The following IGF2R variants were observed in gnomAD, a reference collection of about 807,000 sequenced individuals.
The protein encoded by IGF2R is insulin like growth factor 2 receptor, also known as cation-independent mannose-6-phosphate receptor.
In IGF2R, 91 loss-of-function variants were observed where a neutral mutation model predicts 270.6. That is an observed-to-expected ratio of 0.34 (90% confidence interval 0.28 to 0.40). The LOEUF (loss-of-function observed/expected upper bound fraction) is 0.40, where lower values mean the gene tolerates loss of function less well. Ranked by LOEUF, IGF2R falls within the 10% of genes least tolerant of loss-of-function variation. The pLI is 1.00. For synonymous variants in IGF2R, 1,316 were observed against 1,258.9 expected (o/e 1.05, Z -0.96); for missense variants, 2,805 against 3,188.3 (o/e 0.88, Z 2.90).
chr6:160,060,231 A>C (rs1778405771), intron 22 of IGF2R, among the ~76,000 whole-genome samples: 1 of 152,054 alleles, frequency 6.6e-6, no homozygotes, highest in Non-Finnish European at 1.5e-5. Context: ...ACCTGTCATC[A>C]CATAGGCCAC....
At chr6:160,087,672 T>C (rs1779123822) in intron 41 of IGF2R, among the ~76,000 whole-genome samples, 1 of 152,188 alleles carries the variant, frequency 6.6e-6, no homozygotes, top group Non-Finnish European at 1.5e-5. Flanking sequence ...TTGTTTGTTT[T>C]TTGTTTTTGT....
intron 2 of IGF2R, among the ~76,000 whole-genome samples, chr6:159,996,155 G>C (rs2115187537): frequency 6.6e-6 from 1 of 152,214 alleles, no homozygotes; most frequent in South Asian, 2.1e-4. Flanking sequence ...GTAATGATGT[G>C]CTTGGGTGTG....
Position 159,989,244 on chromosome 6 carries a change from C to T in IGF2R, c.150-1940C>T, listed in dbSNP as rs572446174. Among the ~76,000 whole-genome samples, 5 of 152,258 alleles carry T rather than the reference C, an allele frequency of 3.3e-5. No homozygotes were observed. The South Asian group carries it at 1.0e-3, about 32-fold the overall frequency. ...CTAGGAGTTCTTGGCGCCTCGTCTT[C>T]CAGTGACCCCACCAGGGCTGCTCTT... is the stretch of plus-strand genomic sequence containing the variant. On this transcript the variant is annotated intron_variant, in intron 1 of 47. Transcript: ENST00000356956.
rs573817058 is a variant in IGF2R, at chr6:160,010,747, G to A, written c.475G>A (p.Ala159Thr). 1.2e-6 allele frequency: 2 copies of A among 1,612,206 alleles called. No homozygotes were observed. Among genetic ancestry groups the A allele is most frequent in the South Asian group, 1.1e-5 (1 of 91,042 alleles). ...GCACTACTTTGAGTGGAGGACCACT[G>A]CAGCCTGCAAGAAAGACATATTTAA... Reference protein sequence around the residue: ...CVHYFEWRTTAACKKDIFKAN... With the variant: ...CVHYFEWRTTTACKKDIFKAN... The change falls in exon 4 of 48, where the codon GCA becomes ACA. Residue 159 changes from alanine (A) to threonine (T), a missense_variant. Physicochemically the swap from Ala to Thr is moderately conservative, Grantham distance 58. Transcript: ENST00000356956.
chr6:160,062,069 A>C (rs1778451829), intron 25 of IGF2R, 141 bp downstream of exon 25: 1 of 733,422 alleles, frequency 1.4e-6, no homozygotes, highest in African/African-American at 1.8e-5. Flanking sequence ...TTTGACGAGA[A>C]TGCACTCATT....
intron 45 of IGF2R, among the ~76,000 whole-genome samples, chr6:160,096,902 T>G (rs937197522): frequency 1.3e-5 from 2 of 152,120 alleles, no homozygotes; most frequent in Non-Finnish European, 2.9e-5. Flanking sequence ...CCGAATAGGG[T>G]CCAGTCAGGG....
rs1434817034 is a variant in IGF2R, at chr6:160,050,865, C to G, written c.2694+213C>G. Among the ~76,000 whole-genome samples the G allele has an allele frequency of 6.6e-6, 1 of 152,202 alleles. No homozygotes were observed. Among genetic ancestry groups the G allele is most frequent in the African/African-American group, 2.4e-5 (1 of 41,442 alleles). Reference sequence around the variant, plus strand: ...GCGATTTCTGAAGTGTAAGCCTCATCTTTTGCTGCGGAGTTTGAGGCTCTG... The same window carrying G: ...GCGATTTCTGAAGTGTAAGCCTCATGTTTTGCTGCGGAGTTTGAGGCTCTG... On this transcript the variant is annotated intron_variant, in intron 19 of 47. Transcript: ENST00000356956. The surrounding 1 kb of genome is among the most constrained non-coding windows in gnomAD (Gnocchi z 4.0).
chr6:159,978,295 C>T (rs528448621), intron 1 of IGF2R, among the ~76,000 whole-genome samples: 2 of 151,972 alleles, frequency 1.3e-5, no homozygotes, highest in African/African-American at 4.8e-5. Context: ...TTGAGGAGTC[C>T]TTCCTCACTC....
At chr6:160,065,775 T>G (rs1206302882) in intron 29 of IGF2R, among the ~76,000 whole-genome samples, 1 of 119,056 alleles carries the variant, frequency 8.4e-6, no homozygotes, top group African/African-American at 3.5e-5. Context: ...TTCCTAGAGA[T>G]ATGTGTATGT....
chr6:160,064,374 CT>C, intron 27 of IGF2R, 26 bp from the exon 28 acceptor site: 1 of 1,614,092 alleles, frequency 6.2e-7, no homozygotes, highest in Non-Finnish European at 8.5e-7. Context: ...CGAACCAAAC[CT>C]TGTTTAATGT....
At chr6:159,972,328 C>A (rs565331538) in intron 1 of IGF2R, among the ~76,000 whole-genome samples, 1 of 152,298 alleles carries the variant, frequency 6.6e-6, no homozygotes, top group East Asian at 1.9e-4. Flanking sequence ...ACAGAAGGAT[C>A]ACATTCCAAA....
chr6:160,032,848 G>GA, intron 8 of IGF2R, 94 bp from the exon 9 acceptor site: 1 of 1,395,174 alleles, frequency 7.2e-7, no homozygotes, highest in Non-Finnish European at 9.9e-7. Flanking sequence ...TGGTGTTTCA[G>GA]AAATAGGATT....
intron 1 of IGF2R, among the ~76,000 whole-genome samples, chr6:159,975,777 T>A (rs556463461): frequency 3.3e-4 from 48 of 147,578 alleles, no homozygotes; most frequent in East Asian, 9.7e-4. Context: ...ATATATGTAT[T>A]ATATATAATA....
intron 2 of IGF2R, among the ~76,000 whole-genome samples, chr6:160,003,036 A>G (rs2115193562): frequency 6.6e-6 from 1 of 152,318 alleles, no homozygotes; most frequent in Non-Finnish European, 1.5e-5. Context: ...GGAGCCTGGA[A>G]TTCTGTTTGG....
At chr6:160,031,143 G>A (rs1055984023) in intron 7 of IGF2R, among the ~76,000 whole-genome samples, 1 of 152,110 alleles carries the variant, frequency 6.6e-6, no homozygotes, top group African/African-American at 2.4e-5. Context: ...CACCGGCCAG[G>A]TTTCTTTTCA....
In IGF2R at chr6:160,105,094, G is replaced by A. The variant is rs764216172; in HGVS notation, c.*10G>A. On this transcript the variant is annotated 3_prime_UTR_variant, in exon 48 of 48. Coordinates refer to ENST00000356956, the MANE Select transcript of IGF2R (RefSeq NM_000876.4). ...CCTCTTACACATCTGACTCCGCAGT[G>A]CCTGCAGGGGAGCACGGAGCCGCGG... 86 of 1,536,580 alleles carry A rather than the reference G, an allele frequency of 5.6e-5. No homozygotes were observed. The East Asian group carries it at 1.8e-3, about 32-fold the overall frequency.
intron 11 of IGF2R, among the ~76,000 whole-genome samples, chr6:160,042,025 A>C (rs1204798201): frequency 6.6e-6 from 1 of 151,854 alleles, no homozygotes; most frequent in African/African-American, 2.4e-5. Flanking sequence ...TACTGTGTAT[A>C]AGAGACAACC....
intron 36 of IGF2R, 136 bp from the exon 37 acceptor site, chr6:160,078,065 G>C: frequency 1.3e-6 from 1 of 795,484 alleles, no homozygotes; most frequent in Admixed American, 2.2e-5. Flanking sequence ...GGGTCTTTCA[G>C]CTGCTGTTGT....
In IGF2R at chr6:160,059,002, T is replaced by A. The variant is rs1285962840; in HGVS notation, c.2995T>A (p.Trp999Arg). Reference protein sequence around the residue: ...AETQTEELKNWKPARPVGIEK... With the variant: ...AETQTEELKNRKPARPVGIEK... ...AACCCAAACTGAAGAGCTCAAGAAT[T>A]GGAAGCCAGCAAGGCCAGTCGGAAT... The change falls in exon 22 of 48, where the codon TGG (tryptophan) becomes AGG (arginine). Residue 999 changes from tryptophan (W) to arginine (R), a missense_variant. By Grantham distance (101) the Trp-to-Arg change is moderately radical. Around this residue, in one of 2 missense-constraint regions of IGF2R, gnomAD observed 1,851 missense variants for 2,207.2 expected, o/e 0.84. Coordinates refer to ENST00000356956, the MANE Select transcript of IGF2R (RefSeq NM_000876.4). 3 of 1,614,124 alleles carry A rather than the reference T, an allele frequency of 1.9e-6. No homozygotes were observed. The East Asian group carries it at 6.7e-5, about 36-fold the overall frequency.
Sources: allele counts gnomAD v4.1 joint callset (sites outside exome capture counted in the v4.1 genomes callset), GRCh38; gene constraint gnomAD v4.1.1; regional missense constraint gnomAD v4.1.1; non-coding constraint Gnocchi (gnomAD v3.1); transcripts MANE v1.5; gene names NCBI Gene and HGNC (gene_info 2026-07-23, HGNC 2026-07-21).